The following DUSP22 variants were observed in gnomAD, a reference collection of about 807,000 sequenced individuals.
DUSP22 encodes dual specificity phosphatase 22.
Under a neutral mutation model 24.5 loss-of-function variants are expected in DUSP22, and 24 were observed. The ratio of observed to expected loss-of-function variants is 0.98; its 90% CI spans 0.71 to 1.38. The LOEUF (loss-of-function observed/expected upper bound fraction) is 1.38. Ranked by LOEUF, DUSP22 falls within the 40% of genes most tolerant of loss-of-function variation. The pLI is 0.00. For synonymous variants in DUSP22, 160 were observed against 106.4 expected (o/e 1.50, Z -3.10); for missense variants, 330 against 269.2 (o/e 1.23, Z -1.58).
intron 6 of DUSP22, 200 bp from the exon 7 acceptor site, chr6:348,569 C>G (rs1760001318): frequency 1.0e-6 from 1 of 985,652 alleles, no homozygotes; most frequent in South Asian, 1.7e-5. Flanking sequence ...TTTTCATGTC[C>G]TAGGCCAGCA....
At chr6:311,789 T>G in intron 2 of DUSP22, 91 bp from the exon 3 acceptor site, 18 of 1,346,822 alleles carry the variant, frequency 1.3e-5, no homozygotes, top group Non-Finnish European at 1.7e-5. Context: ...ATGCAAGTCA[T>G]TTTGTGGGTT....
chr6:304,149 C>T (rs992958839), intron 1 of DUSP22, among the ~76,000 whole-genome samples: 74 of 152,394 alleles, frequency 4.9e-4, no homozygotes, highest in African/African-American at 1.6e-3. Context: ...GCAGCAGCAT[C>T]GCCACACAGG....
intron 5 of DUSP22, among the ~76,000 whole-genome samples, chr6:347,740 G>A (rs7763713): frequency 5.9e-3 from 896 of 151,992 alleles, no homozygotes; most frequent in African/African-American, 0.02. Context: ...TGGGTTTGTC[G>A]CGTAGGCCCT....
At chr6:311,437 T>C (rs2127397741) in intron 2 of DUSP22, among the ~76,000 whole-genome samples, 1 of 152,416 alleles carries the variant, frequency 6.6e-6, no homozygotes, top group South Asian at 2.1e-4. Context: ...TCCCAGCACT[T>C]TGGGAGGCCG....
At chr6:341,687 G>A (rs1357063339) in intron 4 of DUSP22, among the ~76,000 whole-genome samples, 4 of 152,308 alleles carry the variant, frequency 2.6e-5, no homozygotes, top group African/African-American at 7.2e-5. Context: ...CATGATGCCT[G>A]CACAAGGGCT....
At chr6:305,047 A>G (rs1190440323) in intron 2 of DUSP22, among the ~76,000 whole-genome samples, 1 of 152,302 alleles carries the variant, frequency 6.6e-6, no homozygotes, top group Non-Finnish European at 1.5e-5. Flanking sequence ...AAAGCTGAAT[A>G]ATACTCCATT....
chr6:299,118 G>C (rs1308287675), intron 1 of DUSP22, among the ~76,000 whole-genome samples: 1 of 152,306 alleles, frequency 6.6e-6, no homozygotes, highest in Non-Finnish European at 1.5e-5. Context: ...CTTCAGCATA[G>C]TGGGACATTC....
chr6:346,038 G>A (rs1414539683), intron 5 of DUSP22, 110 bp downstream of exon 5: 10 of 1,382,658 alleles, frequency 7.2e-6, no homozygotes, highest in South Asian at 1.2e-5. Flanking sequence ...ATAGTTTTCT[G>A]TAAACCCTGA....
intron 1 of DUSP22, among the ~76,000 whole-genome samples, chr6:295,930 A>G (rs762208144): frequency 6.3e-4 from 96 of 152,198 alleles, no homozygotes; most frequent in Non-Finnish European, 1.2e-3. Flanking sequence ...TGGGGAATGG[A>G]GATTTGGAGA....
intron 4 of DUSP22, among the ~76,000 whole-genome samples, chr6:336,634 A>G (rs1393404431): frequency 6.6e-6 from 1 of 152,304 alleles, no homozygotes; most frequent in African/African-American, 2.4e-5. Context: ...GGAGGTGGGA[A>G]GCTGGAGCCA....
chr6:350,127 A>G lies in DUSP22; in HGVS notation c.*1176A>G, dbSNP rs1332284918. ...TGTTTTTGGAAAGGTGTTTTTTGGTATGCAAGTCAGCTTTGCCTCACAGTT... is the reference window on the plus strand; with the variant it reads ...TGTTTTTGGAAAGGTGTTTTTTGGTGTGCAAGTCAGCTTTGCCTCACAGTT... On this transcript the variant is annotated 3_prime_UTR_variant, in exon 7 of 7. Transcript: ENST00000419235. 3.0e-6 allele frequency: 3 copies of G among 985,908 alleles called. No homozygotes were observed. Among genetic ancestry groups the G allele is most frequent in the African/African-American group, 1.7e-5 (1 of 57,280 alleles). 61.1% of individuals were successfully genotyped at this position (985,908 alleles called of 1,614,324 possible).
intron 3 of DUSP22, among the ~76,000 whole-genome samples, chr6:333,951 G>A (rs1203637883): frequency 6.6e-6 from 1 of 152,306 alleles, no homozygotes; most frequent in Non-Finnish European, 1.5e-5. Context: ...AAATGTGTAG[G>A]AGGTGTGGAA....
At chr6:335,021 A>G (rs1279644890) in intron 3 of DUSP22, 93 bp from the exon 4 acceptor site, 5 of 1,388,056 alleles carry the variant, frequency 3.6e-6, no homozygotes, top group Non-Finnish European at 4.9e-6. Flanking sequence ...TTATTTTTTT[A>G]TTTTTTGACC....
intron 3 of DUSP22, among the ~76,000 whole-genome samples, chr6:332,869 G>C (rs1043316331): frequency 1.3e-5 from 2 of 152,304 alleles, no homozygotes; most frequent in East Asian, 1.9e-4. Context: ...TCCAAGGAGC[G>C]TGGAGGGAGA....
intron 4 of DUSP22, among the ~76,000 whole-genome samples, chr6:337,366 T>C (rs912162499): frequency 2.6e-5 from 4 of 152,302 alleles, no homozygotes; most frequent in Non-Finnish European, 5.9e-5. Context: ...TGAGCACTTG[T>C]AAAACTGAGT....
chr6:350,233 G>C lies in DUSP22; in HGVS notation c.*1282G>C. ...TGAGCTATTTAAAGTTGCCAGTTTG[G>C]GCTCCAGTAATGCTTTCTGGTGGGT... On this transcript the variant is annotated 3_prime_UTR_variant, in exon 7 of 7. Transcript: ENST00000419235. 2.0e-6 allele frequency: 2 copies of C among 987,938 alleles called. No individual in the cohort carries two copies. The highest frequency in any genetic ancestry group is 2.4e-6 in the Non-Finnish European group (2 of 831,672). The allele number at this position is 987,938 out of a possible 1,614,324, so 61.2% of individuals were successfully genotyped here.
chr6:346,068 T>C, intron 5 of DUSP22, 140 bp downstream of exon 5: 1 of 1,073,724 alleles, frequency 9.3e-7, no homozygotes, highest in Non-Finnish European at 1.4e-6. Context: ...GCGTGCTCCA[T>C]TTGTCCAGCG....
At chr6:292,722 G>T (rs1201397034) in intron 1 of DUSP22, among the ~76,000 whole-genome samples, 162 bp downstream of exon 1, 2 of 152,278 alleles carry the variant, frequency 1.3e-5, no homozygotes, top group Non-Finnish European at 2.9e-5. Flanking sequence ...CGCGGAGTCG[G>T]GGTTCGGAGG....
At chr6:312,684 TG>T (rs1430037350) in intron 3 of DUSP22, among the ~76,000 whole-genome samples, 1 of 152,292 alleles carries the variant, frequency 6.6e-6, no homozygotes, top group Non-Finnish European at 1.5e-5. Flanking sequence ...AAGGGAGGGG[TG>T]GCTTGTTCTG....
Sources: allele counts gnomAD v4.1 joint callset (sites outside exome capture counted in the v4.1 genomes callset), GRCh38; gene constraint gnomAD v4.1.1; transcripts MANE v1.5; gene names NCBI Gene and HGNC (gene_info 2026-07-23, HGNC 2026-07-21).